The following LARS2 variants were observed in gnomAD, a reference collection of about 807,000 sequenced individuals.
The protein encoded by LARS2 is leucine--tRNA ligase, mitochondrial.
LARS2 carries 81 observed loss-of-function variants against 116.6 expected under a neutral mutation model. The ratio of observed to expected loss-of-function variants is 0.69; its 90% CI spans 0.58 to 0.84. The LOEUF is 0.84. LARS2 is among the 40% of genes least tolerant of loss of function. The pLI, the probability that LARS2 is intolerant of heterozygous loss-of-function variation, is 0.00. For missense variants in LARS2, 968 were observed against 1,114.5 expected, an observed-to-expected ratio of 0.87 and a Z score of 1.87; for synonymous variants, 396 against 407.2, an observed-to-expected ratio of 0.97 and a Z score of 0.33.
At chr3:45,488,227 G>A (rs558426000) in intron 11 of LARS2, among the ~76,000 whole-genome samples, 15 of 152,268 alleles carry the variant, frequency 9.9e-5, no homozygotes, top group African/African-American at 3.6e-4. Flanking sequence ...GAGGTCAGGA[G>A]TTTGAGACCA....
intron 8 of LARS2, among the ~76,000 whole-genome samples, chr3:45,462,366 T>C (rs1275676251): frequency 6.6e-6 from 1 of 151,890 alleles, no homozygotes; most frequent in African/African-American, 2.4e-5. Flanking sequence ...GAGGATCACT[T>C]GAGCCTAGGA....
intron 3 of LARS2, 51 bp from the exon 4 acceptor site, chr3:45,400,194 G>A (rs1698119528): frequency 6.4e-7 from 1 of 1,566,208 alleles, no homozygotes; most frequent in Non-Finnish European, 8.7e-7. Context: ...ATGTATACAT[G>A]CAGAGTTCCC....
At chr3:45,545,728 T>A (rs1700865325) in intron 21 of LARS2, among the ~76,000 whole-genome samples, 2 of 152,186 alleles carry the variant, frequency 1.3e-5, no homozygotes, top group Non-Finnish European at 2.9e-5. Context: ...TTGGACAGGC[T>A]GTCACCAGTG....
chr3:45,433,191 A>G (rs1359424128), intron 6 of LARS2, among the ~76,000 whole-genome samples: 2 of 152,054 alleles, frequency 1.3e-5, no homozygotes, highest in South Asian at 2.1e-4. Flanking sequence ...CAGTTGGGTC[A>G]TTTTTAAAAT....
chr3:45,413,188 T>C (rs1698361441), intron 4 of LARS2, among the ~76,000 whole-genome samples: 1 of 152,180 alleles, frequency 6.6e-6, no homozygotes, highest in African/African-American at 2.4e-5. Flanking sequence ...GGAACGTACA[T>C]GTTTGTGTGA....
chr3:45,530,688 A>G (rs969508330), intron 20 of LARS2, among the ~76,000 whole-genome samples: 1 of 152,214 alleles, frequency 6.6e-6, no homozygotes, highest in Non-Finnish European at 1.5e-5. Flanking sequence ...CTTGATATAT[A>G]TTAACAAATT....
intron 7 of LARS2, among the ~76,000 whole-genome samples, chr3:45,455,722 G>T (rs1390428154): frequency 6.6e-6 from 1 of 152,058 alleles, no homozygotes; most frequent in Non-Finnish European, 1.5e-5. Flanking sequence ...ATTCACAGTA[G>T]CCAAGATATG....
chr3:45,454,316 G>A (rs1699180435), intron 7 of LARS2, among the ~76,000 whole-genome samples: 2 of 152,160 alleles, frequency 1.3e-5, no homozygotes, highest in Non-Finnish European at 2.9e-5. Flanking sequence ...TTATGAACAT[G>A]GCTCCTTTGT....
intron 5 of LARS2, among the ~76,000 whole-genome samples, chr3:45,418,295 C>A (rs1559462418): frequency 6.6e-6 from 1 of 152,206 alleles, no homozygotes; most frequent in Admixed American, 6.5e-5. Context: ...GTGTCTCTTA[C>A]CTGTCTTTGT....
Position 45,503,798 on chromosome 3 carries a change from T to A in LARS2, c.1760+3219T>A, listed in dbSNP as rs544246589. Among the ~76,000 whole-genome samples the A allele has an allele frequency of 2.6e-5, 4 of 152,144 alleles. No homozygotes were observed. The East Asian group carries it at 5.8e-4, about 22-fold the overall frequency. On this transcript the variant is annotated intron_variant, in intron 15 of 21. Transcript: ENST00000645846. The stretch of plus-strand genomic sequence containing the variant: ...ATTATTTCCCTATCCAGATAACCCA[T>A]GTTGACAATTTAAAAAAAAGTAATA...
intron 6 of LARS2, among the ~76,000 whole-genome samples, chr3:45,442,496 C>G (rs1698929892): frequency 6.6e-6 from 1 of 152,218 alleles, no homozygotes; most frequent in Non-Finnish European, 1.5e-5. Flanking sequence ...AGTCAGACAA[C>G]TACTTGGAGG....
intron 20 of LARS2, among the ~76,000 whole-genome samples, chr3:45,529,708 C>G (rs1700585967): frequency 6.6e-6 from 1 of 152,170 alleles, no homozygotes; most frequent in African/African-American, 2.4e-5. Context: ...TCTGGGTCTT[C>G]TGTGAATATG....
intron 20 of LARS2, among the ~76,000 whole-genome samples, chr3:45,537,081 A>G (rs1459246998): frequency 6.6e-6 from 1 of 151,726 alleles, no homozygotes; most frequent in Non-Finnish European, 1.5e-5. Flanking sequence ...CCTCTTTGAG[A>G]TTAGTCCCTT....
chr3:45,513,138 G>A lies in LARS2; in HGVS notation c.1764G>A (p.Glu588=). The change falls in exon 16 of 22, where the codon GAG becomes GAA. Residue 588 remains glutamate, a synonymous_variant. Coordinates refer to ENST00000645846, the MANE Select transcript of LARS2 (RefSeq NM_015340.4). ...CHDQKMVKHR[E]PFHKLLAQGL... ...TTTTCCTGTCATCTTTCCTCAGGGA[G>A]CCTTTTCATAAGCTGCTGGCCCAAG... The A allele has an allele frequency of 1.2e-6, 2 of 1,607,958 alleles. No individual in the cohort carries two copies. Among genetic ancestry groups the A allele is most frequent in the South Asian group, 1.1e-5 (1 of 90,962 alleles).
chr3:45,466,863 C>G (rs896322884), intron 8 of LARS2, among the ~76,000 whole-genome samples: 2 of 152,102 alleles, frequency 1.3e-5, no homozygotes, highest in Non-Finnish European at 2.9e-5. Flanking sequence ...ATTACAGGCG[C>G]CTGCCACCAT....
At chr3:45,523,490 A>C (rs1700484724) in intron 19 of LARS2, among the ~76,000 whole-genome samples, 1 of 151,758 alleles carries the variant, frequency 6.6e-6, no homozygotes, top group Admixed American at 6.6e-5. Flanking sequence ...GTGAGGACTA[A>C]ATAAGTTAAC....
rs1440833471 is a variant in LARS2 at position 45,548,984 on chromosome 3, T to G, written c.*1454T>G. On this transcript the variant is annotated 3_prime_UTR_variant, in exon 22 of 22. Transcript: ENST00000645846. ...TGCTATAAAGTGGGATACATGTGGT[T>G]CTTCTTGTTCCAGAACTTACAGTCC... 6.6e-6 allele frequency: 1 copy of G among 152,214 alleles called. No homozygotes were observed. The highest frequency in any genetic ancestry group is 2.4e-5 in the African/African-American group (1 of 41,450). 9.4% of individuals were successfully genotyped at this position (152,214 alleles called of 1,614,324 possible).
chr3:45,474,594 A>G (rs1170298735), intron 9 of LARS2, among the ~76,000 whole-genome samples: 1 of 152,236 alleles, frequency 6.6e-6, no homozygotes. Context: ...TCAATAAAAA[A>G]TGATTTATTA....
chr3:45,408,538 C>T lies in LARS2; in HGVS notation c.363+8165C>T, dbSNP rs1189868095. Among the ~76,000 whole-genome samples, 3 of 152,244 alleles carry T rather than the reference C, an allele frequency of 2.0e-5. No homozygotes were observed. In the East Asian group the frequency reaches 5.8e-4, roughly 29 times the overall value. On this transcript the variant is annotated intron_variant, in intron 4 of 21. Coordinates refer to ENST00000645846, the MANE Select transcript of LARS2 (RefSeq NM_015340.4). The stretch of plus-strand genomic sequence containing the variant: ...GTCCGGTTCCCAAGCTGGCCCCCTC[C>T]TGGTTTTGAACAGTAGGAAATCCTG...
Sources: gnomAD v4.1 joint callset for allele counts (sites outside exome capture counted in the v4.1 genomes callset) on GRCh38, gnomAD v4.1.1 for gene constraint, MANE v1.5 for transcripts, NCBI Gene and HGNC (gene_info 2026-07-23, HGNC 2026-07-21) for gene names.